The following LOC400499 variants were observed in gnomAD, a reference collection of about 807,000 sequenced individuals.
At chr16:11,390,251 C>A in the LOC400499 span, 7 of 1,232,506 alleles carry the variant, frequency 5.7e-6, no homozygotes, top group African/African-American at 1.1e-4. Context: ...CCTCACCTGC[C>A]AACTACGCCC....
chr16:11,405,789 G>T, the LOC400499 span, among the ~76,000 whole-genome samples: 47 of 152,290 alleles, frequency 3.1e-4, no homozygotes, highest in African/African-American at 1.0e-3. Context: ...AGAGGGATCT[G>T]AAATCATCAT....
the LOC400499 span, among the ~76,000 whole-genome samples, chr16:11,519,406 T>C: frequency 7.9e-5 from 12 of 152,058 alleles, no homozygotes; most frequent in South Asian, 2.5e-3. Context: ...TTTCTAAAAA[T>C]GGAAAATATC....
At chr16:11,415,186 C>T in the LOC400499 span, among the ~76,000 whole-genome samples, 1 of 152,196 alleles carries the variant, frequency 6.6e-6, no homozygotes, top group Non-Finnish European at 1.5e-5. Context: ...CCATCACCCC[C>T]TACAGAACAG....
the LOC400499 span, among the ~76,000 whole-genome samples, chr16:11,383,168 C>G: frequency 2.4e-4 from 36 of 152,042 alleles, no homozygotes; most frequent in South Asian, 7.1e-3. Context: ...TGGGTTCACG[C>G]CATTCTCCTG....
the LOC400499 span, among the ~76,000 whole-genome samples, chr16:11,495,303 G>T: frequency 1.3e-5 from 2 of 151,992 alleles, no homozygotes; most frequent in Non-Finnish European, 2.9e-5. Flanking sequence ...GGGCTTCAGT[G>T]AAAGGAAGGC....
chr16:11,372,614 G>T, the LOC400499 span: 1 of 428,206 alleles, frequency 2.3e-6, no homozygotes, highest in Non-Finnish European at 3.1e-6. Flanking sequence ...GAGTTTCCCG[G>T]CATTCCATGC....
the LOC400499 span, among the ~76,000 whole-genome samples, chr16:11,482,500 T>G: frequency 1.3e-5 from 2 of 152,188 alleles, no homozygotes; most frequent in African/African-American, 4.8e-5. Flanking sequence ...TCATGAAAAT[T>G]AAGACTTCCT....
chr16:11,456,206 G>A, the LOC400499 span, among the ~76,000 whole-genome samples: 1 of 151,984 alleles, frequency 6.6e-6, no homozygotes, highest in Non-Finnish European at 1.5e-5. Flanking sequence ...CACCACACAT[G>A]GCTAATTTTT....
the LOC400499 span, chr16:11,417,760 T>C: frequency 6.3e-5 from 25 of 397,580 alleles, no homozygotes; most frequent in Admixed American, 4.4e-5. Context: ...GCTCACAGAG[T>C]AGTTGAGGAA....
At chr16:11,475,726 A>C in the LOC400499 span, 1 of 398,804 alleles carries the variant, frequency 2.5e-6, no homozygotes, top group East Asian at 3.6e-5. Context: ...CTGGGTGGGG[A>C]AAGAGGACAG....
chr16:11,483,257 T>C, the LOC400499 span, among the ~76,000 whole-genome samples: 1 of 152,192 alleles, frequency 6.6e-6, no homozygotes, highest in Non-Finnish European at 1.5e-5. Flanking sequence ...TTAGCAGCTT[T>C]AGAAAAATTT....
the LOC400499 span, among the ~76,000 whole-genome samples, chr16:11,402,654 C>T: frequency 1.3e-5 from 2 of 152,194 alleles, no homozygotes; most frequent in East Asian, 3.9e-4. Context: ...GACAGCTAGC[C>T]AGCCCCTGAG....
At chr16:11,432,513 T>C in the LOC400499 span, among the ~76,000 whole-genome samples, 1 of 152,216 alleles carries the variant, frequency 6.6e-6, no homozygotes, top group African/African-American at 2.4e-5. Flanking sequence ...TAGCAGTACC[T>C]AAAGCATAGG....
the LOC400499 span, among the ~76,000 whole-genome samples, chr16:11,464,338 G>C: frequency 6.6e-6 from 1 of 152,266 alleles, no homozygotes; most frequent in Non-Finnish European, 1.5e-5. Context: ...ATCAGAGGCT[G>C]TGCAGTGCTC....
chr16:11,499,826 C>T, the LOC400499 span, among the ~76,000 whole-genome samples: 1 of 152,130 alleles, frequency 6.6e-6, no homozygotes, highest in Non-Finnish European at 1.5e-5. Context: ...AGGTGACACC[C>T]CCTTGCCCAG....
chr16:11,428,021 G>A, the LOC400499 span, among the ~76,000 whole-genome samples: 9 of 152,072 alleles, frequency 5.9e-5, no homozygotes, highest in East Asian at 5.8e-4. Context: ...GAAAGTCCAC[G>A]GTGCAAAGCA....
chr16:11,492,522 G>A, the LOC400499 span, among the ~76,000 whole-genome samples: 7 of 151,874 alleles, frequency 4.6e-5, no homozygotes, highest in African/African-American at 1.7e-4. Context: ...GGTGGCTCAT[G>A]CCTGTAATCA....
the LOC400499 span, among the ~76,000 whole-genome samples, chr16:11,503,320 A>G: frequency 6.6e-6 from 1 of 152,200 alleles, no homozygotes; most frequent in Non-Finnish European, 1.5e-5. Context: ...CACAAGAAAT[A>G]AAGGACTCTA....
the LOC400499 span, among the ~76,000 whole-genome samples, chr16:11,487,713 A>G: frequency 2.0e-5 from 3 of 152,054 alleles, no homozygotes; most frequent in African/African-American, 7.2e-5. Flanking sequence ...TTTAATTACA[A>G]CAAAGAGGCA....
Sources: gnomAD v4.1 joint callset for allele counts (sites outside exome capture counted in the v4.1 genomes callset) on GRCh38, gnomAD v4.1.1 for gene constraint, MANE v1.5 for transcripts.